CFAP47: variants seen among roughly 807,000 people sequenced by gnomAD.
CFAP47 encodes cilia- and flagella-associated protein 47.
A neutral mutation model predicts 148.1 loss-of-function variants in CFAP47; 29 were observed. The ratio of observed to expected loss-of-function variants is 0.20; its 90% CI spans 0.15 to 0.27. CFAP47 has a LOEUF of 0.27. Ranked by LOEUF, CFAP47 falls within the 10% of genes least tolerant of loss-of-function variation. The pLI, the probability that CFAP47 is intolerant of heterozygous loss-of-function variation, is 1.00. For synonymous variants in CFAP47, 664 were observed against 577.3 expected (o/e 1.15, Z -2.15); for missense variants, 1,872 against 1,697.5 (o/e 1.10, Z -1.81).
intron 46 of CFAP47, among the ~76,000 whole-genome samples, chrX:36,229,472 T>C (rs894608772): frequency 1.9e-4 from 21 of 111,350 alleles, no homozygotes; most frequent in Admixed American, 9.6e-4. Flanking sequence ...TGGTAATTAG[T>C]AAGTGAGACA....
intron 50 of CFAP47, among the ~76,000 whole-genome samples, chrX:36,281,123 T>A (rs1292918441): frequency 1.8e-5 from 2 of 111,685 alleles, no homozygotes; most frequent in Non-Finnish European, 3.8e-5. Flanking sequence ...TGATGAGGAG[T>A]TGGAATACTC....
intron 57 of CFAP47, among the ~76,000 whole-genome samples, chrX:36,328,434 T>G (rs1040796858): frequency 1.8e-5 from 2 of 112,363 alleles, no homozygotes; most frequent in Non-Finnish European, 3.8e-5. Context: ...CCAATATGCT[T>G]TTTTGTAGAT....
At chrX:36,384,051 G>A (rs1396830458) in intron 63 of CFAP47, among the ~76,000 whole-genome samples, 4 of 111,773 alleles carry the variant, frequency 3.6e-5, no homozygotes, top group African/African-American at 9.8e-5. Context: ...ATGGTTATAC[G>A]TACTATGGGC....
At chrX:35,929,588 G>A (rs1228577777) in intron 2 of CFAP47, among the ~76,000 whole-genome samples, 3 of 111,257 alleles carry the variant, frequency 2.7e-5, no homozygotes, top group Non-Finnish European at 5.7e-5. Flanking sequence ...GTAGATAATC[G>A]TGCCATCTGT....
chrX:35,967,868 A>T, intron 10 of CFAP47, 36 bp downstream of exon 10: 1 of 975,518 alleles, frequency 1.0e-6, no homozygotes, highest in Non-Finnish European at 1.4e-6. Flanking sequence ...AATTTGGAAA[A>T]GCTTAATGGA....
At chrX:36,340,725 G>T (rs1441038593) in intron 57 of CFAP47, among the ~76,000 whole-genome samples, 1 of 111,391 alleles carries the variant, frequency 9.0e-6, no homozygotes, top group Non-Finnish European at 1.9e-5. Context: ...GAATTTTTAT[G>T]TTGGGGGCAC....
At position 36,285,720 on chromosome X, in the gene CFAP47, T is replaced by C; in HGVS notation, c.7680T>C (p.Ile2560=). 1 of 1,153,611 alleles carries C rather than the reference T, an allele frequency of 8.7e-7. No homozygotes were observed. The highest frequency in any genetic ancestry group is 1.2e-6 in the Non-Finnish European group (1 of 862,412). The change falls in exon 51 of 64, where the codon ATT becomes ATC. Residue 2560 remains isoleucine (I), a synonymous_variant. Transcript: ENST00000378653. ...PPIEIMEMTC[I]ALDSTCIEIP... Reference sequence around the variant, plus strand: ...TAGAGATTATGGAAATGACATGTATTGCTCTGGTAAGTGCCCATTGCATGT... The same window carrying C: ...TAGAGATTATGGAAATGACATGTATCGCTCTGGTAAGTGCCCATTGCATGT...
intron 35 of CFAP47, among the ~76,000 whole-genome samples, chrX:36,139,184 T>C (rs181324361): frequency 8.9e-5 from 10 of 111,950 alleles, no homozygotes. Context: ...ATCAATGTGA[T>C]GCAGACTGAT....
At chrX:35,960,098 T>C (rs980166464) in intron 8 of CFAP47, among the ~76,000 whole-genome samples, 2 of 107,314 alleles carry the variant, frequency 1.9e-5, no homozygotes, top group African/African-American at 6.8e-5. Context: ...TATTAATTAC[T>C]GTAGCTTTTT....
intron 22 of CFAP47, among the ~76,000 whole-genome samples, chrX:36,021,516 ATACTT>A (rs984772484): frequency 1.8e-5 from 2 of 110,422 alleles, no homozygotes; most frequent in African/African-American, 3.3e-5. Flanking sequence ...TCATTTTACT[ATACTT>A]TAAGTTCTGG....
At chrX:36,275,119 ACT>A (rs1941000623) in intron 49 of CFAP47, among the ~76,000 whole-genome samples, 1 of 108,518 alleles carries the variant, frequency 9.2e-6, no homozygotes, top group African/African-American at 3.4e-5. Flanking sequence ...ACAGGGTCTC[ACT>A]CTGTCCTCAG....
At chrX:35,989,585 G>A (rs1189104213) in intron 16 of CFAP47, 136 bp downstream of exon 16, 2 of 1,149,515 alleles carry the variant, frequency 1.7e-6, no homozygotes, top group Non-Finnish European at 2.3e-6. Context: ...TAGTTTTTTT[G>A]TTAGAGCCTC....
At chrX:35,943,724 C>T (rs1364394815) in intron 3 of CFAP47, among the ~76,000 whole-genome samples, 2 of 111,583 alleles carry the variant, frequency 1.8e-5, no homozygotes, top group Non-Finnish European at 1.9e-5. Context: ...CAGCTTTTAT[C>T]ACTGAAGATT....
intron 26 of CFAP47, among the ~76,000 whole-genome samples, chrX:36,049,951 A>C (rs1478920860): frequency 9.0e-6 from 1 of 111,514 alleles, no homozygotes; most frequent in Non-Finnish European, 1.9e-5. Flanking sequence ...ATGAGACCTG[A>C]TGGTTTTATA....
chrX:36,014,172 A>G (rs762447206), intron 21 of CFAP47, among the ~76,000 whole-genome samples: 14 of 111,945 alleles, frequency 1.3e-4, no homozygotes, highest in African/African-American at 4.5e-4. Context: ...AGTATGAAAC[A>G]TCTTTCCATG....
chrX:36,027,781 A>G (rs993730393), intron 22 of CFAP47, among the ~76,000 whole-genome samples: 2 of 111,882 alleles, frequency 1.8e-5, no homozygotes, highest in Admixed American at 9.5e-5. Flanking sequence ...TCAACAGTAT[A>G]TAAGTGTTCA....
chrX:36,347,004 C>T (rs1350106967), intron 57 of CFAP47, among the ~76,000 whole-genome samples: 5 of 111,772 alleles, frequency 4.5e-5, no homozygotes, highest in Non-Finnish European at 9.4e-5. Flanking sequence ...AACAGGCAAC[C>T]TGCAGAATGG....
chrX:36,015,918 C>T (rs1022918042), intron 22 of CFAP47, among the ~76,000 whole-genome samples: 7 of 111,030 alleles, frequency 6.3e-5, no homozygotes, highest in African/African-American at 2.3e-4. Flanking sequence ...CTATACATCC[C>T]TTTTGTTAAT....
intron 53 of CFAP47, among the ~76,000 whole-genome samples, chrX:36,302,567 A>G (rs2146958627): frequency 1.8e-5 from 2 of 111,994 alleles, no homozygotes; most frequent in South Asian, 3.7e-4. Flanking sequence ...AACAGTAAAG[A>G]GATATGAAAA....
Sources: allele counts gnomAD v4.1 joint callset (sites outside exome capture counted in the v4.1 genomes callset), GRCh38; gene constraint gnomAD v4.1.1; transcripts MANE v1.5; gene names NCBI Gene and HGNC (gene_info 2026-07-23, HGNC 2026-07-21).